The following ADGRL2 variants were observed in gnomAD, a reference collection of about 807,000 sequenced individuals.
ADGRL2 encodes the protein adhesion G protein-coupled receptor L2.
A neutral mutation model predicts 157.4 loss-of-function variants in ADGRL2; 44 were observed. That is an observed-to-expected ratio of 0.28 (90% CI 0.22 to 0.36). ADGRL2 has a LOEUF of 0.36. Among genes scored for constraint, ADGRL2 ranks in the 10% least tolerant of loss-of-function variants. The probability of loss-of-function intolerance (pLI) is 1.00; values close to 1 mark genes in which losing one functional copy is unlikely to be tolerated. For synonymous variants in ADGRL2, 585 were observed against 624.7 expected (o/e 0.94, Z 0.95); for missense variants, 1,510 against 1,768.9 (o/e 0.85, Z 2.63).
chr1:81,973,034 G>A (rs991509318), intron 17 of ADGRL2, among the ~76,000 whole-genome samples: 4 of 151,022 alleles, frequency 2.6e-5, no homozygotes, highest in Non-Finnish European at 4.4e-5. Context: ...TTTCAAAAAC[G>A]TAACACAAAT....
At chr1:81,499,894 A>G (rs1441496858) in intron 2 of ADGRL2, among the ~76,000 whole-genome samples, 1 of 152,180 alleles carries the variant, frequency 6.6e-6, no homozygotes, top group African/African-American at 2.4e-5. Flanking sequence ...ATTTATATGT[A>G]CATATGTGTA....
At chr1:81,899,674 C>T (rs2094454093) in intron 2 of ADGRL2, among the ~76,000 whole-genome samples, 1 of 152,088 alleles carries the variant, frequency 6.6e-6, no homozygotes, top group Non-Finnish European at 1.5e-5. Flanking sequence ...GTCAGGGTTG[C>T]AAGATGGATT....
At chr1:81,447,106 A>G (rs2077611488) in intron 2 of ADGRL2, among the ~76,000 whole-genome samples, 1 of 152,130 alleles carries the variant, frequency 6.6e-6, no homozygotes, top group Admixed American at 6.6e-5. Context: ...AAAGGGGCAA[A>G]CGTTGGCAAA....
At chr1:81,801,365 A>C (rs1264885870) in intron 1 of ADGRL2, among the ~76,000 whole-genome samples, 1 of 152,140 alleles carries the variant, frequency 6.6e-6, no homozygotes, top group Non-Finnish European at 1.5e-5. Context: ...AGGTGACTCC[A>C]GTTCAGACCT....
At chr1:81,746,209 T>C (rs1219978992) in intron 1 of ADGRL2, among the ~76,000 whole-genome samples, 3 of 152,166 alleles carry the variant, frequency 2.0e-5, no homozygotes, top group Non-Finnish European at 4.4e-5. Flanking sequence ...AATTGGTATA[T>C]ATTAAAAGAA....
intron 3 of ADGRL2, among the ~76,000 whole-genome samples, chr1:81,640,328 G>T (rs1268634134): frequency 6.6e-6 from 1 of 151,996 alleles, no homozygotes; most frequent in Non-Finnish European, 1.5e-5. Flanking sequence ...ACCAAAAGGA[G>T]AAATTGTCAA....
At chr1:81,427,620 A>C in intron 1 of ADGRL2, 1 of 654,714 alleles carries the variant, frequency 1.5e-6, no homozygotes, top group Admixed American at 2.0e-5. Flanking sequence ...TGAAAACAGC[A>C]GAAAAGGGCT....
chr1:81,917,408 A>G (rs1341330421), intron 3 of ADGRL2, among the ~76,000 whole-genome samples: 1 of 152,154 alleles, frequency 6.6e-6, no homozygotes, highest in South Asian at 2.1e-4. Flanking sequence ...TTCTTTAAGT[A>G]TATTATAGCA....
rs762483041 is a variant in ADGRL2 at position 81,969,307 on chromosome 1, A to G, written c.2653A>G (p.Thr885Ala). The G allele has an allele frequency of 5.0e-6, 8 of 1,614,024 alleles. No individual in the cohort carries two copies. Among genetic ancestry groups the G allele is most frequent in the Non-Finnish European group, 6.8e-6 (8 of 1,179,914 alleles). The change falls in exon 15 of 24, where the codon ACT becomes GCT. Residue 885 changes from threonine to alanine, a missense_variant. Physicochemically the swap from Thr to Ala is moderately conservative, Grantham distance 58 (BLOSUM62 0). Around this residue, in one of 4 missense-constraint regions of ADGRL2, gnomAD observed 497 missense variants for 627.2 expected, o/e 0.79. Coordinates refer to ENST00000686636, the MANE Select transcript of ADGRL2 (RefSeq NM_001366006.2). ...FFRGLQSDRN[T>A]IHKNLCINLF... Reference sequence around the variant, plus strand: ...CCGTGGCCTACAGAGTGACCGAAATACTATTCACAAGAACCTTTGTATCAA... The same window carrying G: ...CCGTGGCCTACAGAGTGACCGAAATGCTATTCACAAGAACCTTTGTATCAA...
Position 81,968,281 on chromosome 1 carries a change from G to T in ADGRL2, c.2523+82G>T, listed in dbSNP as rs141282302. The T allele has an allele frequency of 1.9e-3, 2,215 of 1,178,048 alleles. 34 individuals carry two copies. In the African/African-American group the frequency reaches 0.03, roughly 16 times the overall value. The allele number at this position is 1,178,048 out of a possible 1,614,324, so 73.0% of individuals were successfully genotyped here. A position where few individuals can be genotyped will look rare whatever the true frequency, so the allele number is the denominator to read the frequency against. ...CTTGTATAATAGTCCCATTCTTTGG[G>T]TGCTTACCGTAACTAAAAAGCAAAC... On this transcript the variant is annotated intron_variant, in intron 14 of 23. Coordinates refer to ENST00000686636, the MANE Select transcript of ADGRL2 (RefSeq NM_001366006.2).
At chr1:81,802,941 G>A (rs1407598014) in intron 1 of ADGRL2, among the ~76,000 whole-genome samples, 1 of 152,102 alleles carries the variant, frequency 6.6e-6, no homozygotes, top group Non-Finnish European at 1.5e-5. Flanking sequence ...CGGGGCTGCT[G>A]CTGCCAGGGC....
chr1:81,497,165 T>C (rs2078748274), intron 2 of ADGRL2, among the ~76,000 whole-genome samples: 1 of 152,210 alleles, frequency 6.6e-6, no homozygotes, highest in East Asian at 1.9e-4. Context: ...CTGCCAGTTT[T>C]CTTTATTATT....
Position 81,801,082 on chromosome 1 carries a change from T to G in ADGRL2, c.-101+14T>G, listed in dbSNP as rs1457103837. On this transcript the variant is annotated intron_variant, in intron 1 of 23. Transcript: ENST00000686636. Reference sequence around the variant, plus strand: ...GGGCTCGAGCCCGTAAGTATCCCCTTTCGCTCCTCCTCCCCGCCGCTTGGG... The same window carrying G: ...GGGCTCGAGCCCGTAAGTATCCCCTGTCGCTCCTCCTCCCCGCCGCTTGGG... Among the ~76,000 whole-genome samples the G allele has an allele frequency of 6.6e-6, 1 of 151,886 alleles. No individual in the cohort carries two copies. Among genetic ancestry groups the G allele is most frequent in the Non-Finnish European group, 1.5e-5 (1 of 67,946 alleles).
At chr1:81,489,482 A>G (rs9729331) in intron 2 of ADGRL2, among the ~76,000 whole-genome samples, 66,319 of 151,976 alleles carry the variant, frequency 0.44, 16,221 homozygotes, top group African/African-American at 0.64. Context: ...ACACCATTAA[A>G]CAGACCAACA....
chr1:81,952,002 A>C lies in ADGRL2; in HGVS notation c.1654A>C (p.Lys552Gln), dbSNP rs771258305. The change falls in exon 9 of 24, where the codon AAA becomes CAA. Residue 552 changes from lysine (K) to glutamine (Q), a missense_variant. Transcript: ENST00000686636. ...NAASLANELA[K>Q]HTKGPVFAGD... is the part of the protein sequence containing the mutation. ...TGCTAGTCTTGCCAATGAACTGGCT[A>C]AACATACCAAAGGGCCAGTGTTTGC... 6.2e-6 allele frequency: 10 copies of C among 1,613,608 alleles called. No individual in the cohort carries two copies. The South Asian group carries it at 1.1e-4, about 18-fold the overall frequency.
chr1:81,990,781 C>T lies in ADGRL2; in HGVS notation c.4046C>T (p.Pro1349Leu). The T allele has an allele frequency of 6.2e-7, 1 of 1,614,060 alleles. No homozygotes were observed. The highest frequency in any genetic ancestry group is 8.5e-7 in the Non-Finnish European group (1 of 1,179,984). The change falls in exon 24 of 24, where the codon CCC becomes CTC. Residue 1349 changes from proline (P) to leucine (L), a missense_variant. Physicochemically the swap from Pro to Leu is moderately conservative, Grantham distance 98. Coordinates refer to ENST00000686636, the MANE Select transcript of ADGRL2 (RefSeq NM_001366006.2). ...CGGACTCACTCCCTTCTGTACCAACCCCAGAAGAAAGTGAAGTCCGAGGGA... is the reference window on the plus strand; with the variant it reads ...CGGACTCACTCCCTTCTGTACCAACTCCAGAAGAAAGTGAAGTCCGAGGGA... ...PQRTHSLLYQ[P>L]QKKVKSEGTD... is the part of the protein sequence containing the mutation.
intron 1 of ADGRL2, among the ~76,000 whole-genome samples, chr1:81,819,193 T>C (rs557317747): frequency 1.3e-5 from 2 of 152,298 alleles, no homozygotes; most frequent in African/African-American, 2.4e-5. Context: ...ACGACAGTCC[T>C]TGGTGAGAGG....
chr1:81,947,316 C>A (rs1198757682), intron 6 of ADGRL2, among the ~76,000 whole-genome samples: 1 of 151,994 alleles, frequency 6.6e-6, no homozygotes, highest in African/African-American at 2.4e-5. Context: ...AATTGTTATT[C>A]TTTTAGAGAT....
chr1:81,672,249 A>G (rs1396021733), intron 3 of ADGRL2, among the ~76,000 whole-genome samples: 1 of 152,146 alleles, frequency 6.6e-6, no homozygotes, highest in East Asian at 1.9e-4. Flanking sequence ...CGGTGTAGAA[A>G]GAGTTTTTGA....
Sources: gnomAD v4.1 joint callset for allele counts (sites outside exome capture counted in the v4.1 genomes callset) on GRCh38, gnomAD v4.1.1 for gene constraint, gnomAD v4.1.1 regional missense constraint, MANE v1.5 for transcripts, NCBI Gene and HGNC (gene_info 2026-07-23, HGNC 2026-07-21) for gene names.